SLC8A1: variants seen among roughly 807,000 people sequenced by gnomAD.
The protein encoded by SLC8A1 is sodium/calcium exchanger 1.
SLC8A1 carries 18 observed loss-of-function variants against 68.3 expected under a neutral mutation model. The ratio of observed to expected loss-of-function variants is 0.26; its 90% CI spans 0.18 to 0.39. SLC8A1 has a LOEUF of 0.39. SLC8A1 is among the 10% of genes least tolerant of loss of function. The pLI, the probability that SLC8A1 is intolerant of heterozygous loss-of-function variation, is 1.00. For synonymous variants in SLC8A1, 475 were observed against 415.5 expected (o/e 1.14, Z -1.74); for missense variants, 985 against 1,156.7 (o/e 0.85, Z 2.15).
At chr2:40,122,245 C>A (rs1352559436) in intron 7 of SLC8A1, among the ~76,000 whole-genome samples, 31 of 151,830 alleles carry the variant, frequency 2.0e-4, no homozygotes, top group Non-Finnish European at 1.0e-4. Context: ...CGCACACACA[C>A]ACACACACTT....
rs940315676 is a variant in SLC8A1, at chr2:40,182,748, AG to A, written c.1809-4894del. Reference sequence around the variant, plus strand: ...AAAGAAAGATGTGGCTTTATTAATGAGGGTTGAAAAAGAAAGTCTCTTCAAA... The same window carrying A: ...AAAGAAAGATGTGGCTTTATTAATGAGGTTGAAAAAGAAAGTCTCTTCAAA... On this transcript the variant is annotated intron_variant, in intron 2 of 7. Transcript: ENST00000406785. 3.7e-4 allele frequency among the ~76,000 whole-genome samples: 57 copies of A among 152,216 alleles called. 3 individuals carry two copies.
chr2:40,240,814 G>T (rs1173614061), intron 2 of SLC8A1, among the ~76,000 whole-genome samples: 1 of 152,126 alleles, frequency 6.6e-6, no homozygotes, highest in East Asian at 1.9e-4. Context: ...GGAGTTCAAG[G>T]CTGCAGTGAA....
intron 2 of SLC8A1, among the ~76,000 whole-genome samples, chr2:40,407,665 A>C (rs1226694945): frequency 6.6e-6 from 1 of 152,204 alleles, no homozygotes; most frequent in Non-Finnish European, 1.5e-5. Context: ...GCTGTGCTGC[A>C]TAAACTGTCA....
rs1460246061 is a variant in SLC8A1, at chr2:40,257,432, T to C, written c.1809-79577A>G. On this transcript the variant is annotated intron_variant, in intron 2 of 7. Transcript: ENST00000406785. ...AATTAGCTGTTTACCACCTTTTTTT[T>C]TTTTGACCTTTCCTTTTTTTGACCC... Among the ~76,000 whole-genome samples, 3 of 152,124 alleles carry C rather than the reference T, an allele frequency of 2.0e-5. No homozygotes were observed. In the East Asian group the frequency reaches 5.8e-4, roughly 29 times the overall value.
intron 7 of SLC8A1, among the ~76,000 whole-genome samples, chr2:40,129,234 ATTT>A (rs66846961): frequency 6.9e-6 from 1 of 144,056 alleles, no homozygotes; most frequent in Non-Finnish European, 1.5e-5. Context: ...GAGATGTTTC[ATTT>A]TTTTTTTTTT....
In SLC8A1 at chr2:40,281,249, T is replaced by TAA. The variant is rs143887392; in HGVS notation, c.1809-103396_1809-103395dup. 5.6e-3 allele frequency among the ~76,000 whole-genome samples: 848 copies of TAA among 150,968 alleles called. 8 individuals are homozygous for TAA. The highest frequency in any genetic ancestry group is 6.5e-3 in the African/African-American group (266 of 41,140). On this transcript the variant is annotated intron_variant, in intron 2 of 7. Transcript: ENST00000406785. ...TGAGACATTTTTGTGGTCATGTATT[T>TAA]AAAAAAAAAGGGTTGGGGGGGTGCT...
At chr2:40,177,911 C>A in intron 2 of SLC8A1, 1 of 1,142,712 alleles carries the variant, frequency 8.8e-7, no homozygotes, top group Non-Finnish European at 1.3e-6. Flanking sequence ...CGCTCATGCT[C>A]TTGGTGTCCA....
intron 2 of SLC8A1, among the ~76,000 whole-genome samples, chr2:40,405,926 T>C (rs898554266): frequency 6.6e-6 from 1 of 152,224 alleles, no homozygotes; most frequent in African/African-American, 2.4e-5. Context: ...ATGATTAGCA[T>C]GACTTTGAAA....
exon 8 of SLC8A1, chr2:40,114,108 GTACTA>G (rs2034922028): frequency 6.5e-6 from 1 of 152,716 alleles, no homozygotes; most frequent in African/African-American, 2.4e-5. Flanking sequence ...AGAACAGTAT[GTACTA>G]TACTCTACTA....
At chr2:40,380,398 C>A (rs1182611442) in intron 2 of SLC8A1, among the ~76,000 whole-genome samples, 1 of 152,114 alleles carries the variant, frequency 6.6e-6, no homozygotes, top group African/African-American at 2.4e-5. Flanking sequence ...AATGGATGTA[C>A]AGCCTATTCA....
At chr2:40,432,184 A>G (rs936648836) in intron 1 of SLC8A1, among the ~76,000 whole-genome samples, 2 of 151,972 alleles carry the variant, frequency 1.3e-5, no homozygotes, top group Non-Finnish European at 1.5e-5. Flanking sequence ...CATTTCATCC[A>G]CAATATTTAT....
At chr2:40,360,638 G>C (rs1674330682) in intron 2 of SLC8A1, among the ~76,000 whole-genome samples, 1 of 152,172 alleles carries the variant, frequency 6.6e-6, no homozygotes, top group Non-Finnish European at 1.5e-5. Context: ...GGTACACAGA[G>C]CTGAGGCATA....
rs575232818 is a variant in SLC8A1, at chr2:40,122,155, C to A, written c.2438-6526G>T. Among the ~76,000 whole-genome samples the A allele has an allele frequency of 3.9e-5, 6 of 152,070 alleles. No individual in the cohort carries two copies. The East Asian group carries it at 7.8e-4, about 20-fold the overall frequency. ...TGTCTTTGGTTGCGATATTTATTTA[C>A]CCAAGTAAATAGAAAACCTCTCTTT... On this transcript the variant is annotated intron_variant, in intron 7 of 7. Transcript: ENST00000406785.
chr2:40,209,646 G>T (rs2056200921), intron 2 of SLC8A1, among the ~76,000 whole-genome samples: 1 of 152,168 alleles, frequency 6.6e-6, no homozygotes, highest in South Asian at 2.1e-4. Context: ...GGCAAAGGAT[G>T]ATGGTGCCTC....
At chr2:40,325,624 T>C (rs985590748) in intron 2 of SLC8A1, among the ~76,000 whole-genome samples, 2 of 151,612 alleles carry the variant, frequency 1.3e-5, no homozygotes, top group Non-Finnish European at 2.9e-5. Flanking sequence ...ATATAATAGG[T>C]GTTTGATTTC....
At chr2:40,195,107 G>A (rs879296778) in intron 2 of SLC8A1, among the ~76,000 whole-genome samples, 12 of 152,090 alleles carry the variant, frequency 7.9e-5, no homozygotes, top group Admixed American at 7.9e-4. Flanking sequence ...CAAGAAGAAT[G>A]TGCCTTCATT....
chr2:40,113,411 T>C (rs964442592), exon 8 of SLC8A1: 2 of 152,774 alleles, frequency 1.3e-5, no homozygotes, highest in Non-Finnish European at 2.9e-5. Flanking sequence ...TCCATGTTCT[T>C]TGGTATTTTA....
chr2:40,266,123 AC>A (rs2065328124), intron 2 of SLC8A1, among the ~76,000 whole-genome samples: 1 of 152,222 alleles, frequency 6.6e-6, no homozygotes, highest in South Asian at 2.1e-4. Context: ...AAATTGGTGC[AC>A]ATAGCTTACT....
intron 2 of SLC8A1, among the ~76,000 whole-genome samples, chr2:40,290,042 T>C (rs550038604): frequency 6.6e-6 from 1 of 152,124 alleles, no homozygotes; most frequent in Non-Finnish European, 1.5e-5. Flanking sequence ...CCTGTAATAG[T>C]GAACTTAAAA....
Sources: gnomAD v4.1 joint callset for allele counts (sites outside exome capture counted in the v4.1 genomes callset) on GRCh38, gnomAD v4.1.1 for gene constraint, MANE v1.5 for transcripts, NCBI Gene and HGNC (gene_info 2026-07-23, HGNC 2026-07-21) for gene names.